SPIDR: variants seen among roughly 807,000 people sequenced by gnomAD.
SPIDR encodes scaffold protein involved in DNA repair, also known as DNA repair-scaffolding protein.
Under a neutral mutation model 104.6 loss-of-function variants are expected in SPIDR, and 93 were observed. That is an observed-to-expected ratio of 0.89 (90% CI 0.75 to 1.06). The LOEUF is 1.06. SPIDR is among the 50% of genes least tolerant of loss of function. The pLI, the probability that SPIDR is intolerant of heterozygous loss-of-function variation, is 0.00. For missense variants in SPIDR, 1,154 were observed against 1,111.2 expected (o/e 1.04, Z -0.55); for synonymous variants, 431 against 416.9 (o/e 1.03, Z -0.41).
At chr8:47,313,648 C>T (rs1399129375) in intron 5 of SPIDR, among the ~76,000 whole-genome samples, 2 of 152,156 alleles carry the variant, frequency 1.3e-5, no homozygotes, top group East Asian at 1.9e-4. Flanking sequence ...CATCACGCTA[C>T]CTGACTTCAA....
At chr8:47,464,657 A>AGTCCT (rs1165191166) in intron 8 of SPIDR, among the ~76,000 whole-genome samples, 14 of 151,540 alleles carry the variant, frequency 9.2e-5, no homozygotes, top group Non-Finnish European at 1.8e-4. Flanking sequence ...TGTCTTGTCT[A>AGTCCT]GTCCTGTCCT....
intron 16 of SPIDR, among the ~76,000 whole-genome samples, chr8:47,715,036 T>A (rs1432561799): frequency 6.6e-6 from 1 of 152,028 alleles, no homozygotes; most frequent in Non-Finnish European, 1.5e-5. Flanking sequence ...ACAATCTAAT[T>A]TTAGAACAAA....
chr8:47,575,758 G>A (rs2059031903), intron 8 of SPIDR, among the ~76,000 whole-genome samples: 1 of 151,514 alleles, frequency 6.6e-6, no homozygotes, highest in Non-Finnish European at 1.5e-5. Flanking sequence ...TCAGGAGTTC[G>A]AGACCAGCCT....
At chr8:47,479,173 A>T (rs1194335494) in intron 8 of SPIDR, among the ~76,000 whole-genome samples, 3 of 152,088 alleles carry the variant, frequency 2.0e-5, no homozygotes, top group African/African-American at 7.2e-5. Context: ...AGCCTGGCCA[A>T]CATGGTAAAA....
At chr8:47,511,988 T>G in intron 8 of SPIDR, 1 of 787,318 alleles carries the variant, frequency 1.3e-6, no homozygotes, top group South Asian at 1.4e-5. Flanking sequence ...GCCTGTGAAA[T>G]GGTTATGATG....
At chr8:47,417,839 T>C (rs1185130228) in intron 7 of SPIDR, among the ~76,000 whole-genome samples, 1 of 152,228 alleles carries the variant, frequency 6.6e-6, no homozygotes, top group African/African-American at 2.4e-5. Context: ...GCTTTCTACA[T>C]ATGGCTAGCC....
At chr8:47,685,454 A>G (rs975165340) in intron 11 of SPIDR, among the ~76,000 whole-genome samples, 1 of 150,762 alleles carries the variant, frequency 6.6e-6, no homozygotes, top group Non-Finnish European at 1.5e-5. Context: ...AATTATAATT[A>G]TCTACCAGTA....
intron 8 of SPIDR, 113 bp from the exon 9 acceptor site, chr8:47,595,698 G>C: frequency 5.1e-6 from 5 of 982,050 alleles, no homozygotes; most frequent in Non-Finnish European, 7.7e-6. Flanking sequence ...GGTGGGCTTG[G>C]CTTTAGCTGT....
chr8:47,269,561 T>C (rs2034841472), intron 1 of SPIDR, among the ~76,000 whole-genome samples: 1 of 148,858 alleles, frequency 6.7e-6, no homozygotes, highest in South Asian at 2.1e-4. Flanking sequence ...TGGCCAACCA[T>C]GTCTCTTAAA....
intron 11 of SPIDR, among the ~76,000 whole-genome samples, chr8:47,687,905 G>T (rs2078029036): frequency 6.6e-6 from 1 of 151,890 alleles, no homozygotes; most frequent in South Asian, 2.1e-4. Context: ...TCTACAAAAA[G>T]TAAAAAATTA....
intron 11 of SPIDR, among the ~76,000 whole-genome samples, chr8:47,685,008 C>T (rs1232700256): frequency 6.6e-6 from 1 of 152,188 alleles, no homozygotes. Context: ...CACCTGAGGT[C>T]AGAGGTTCGA....
chr8:47,399,873 G>A (rs571655586), intron 6 of SPIDR, among the ~76,000 whole-genome samples: 20 of 152,290 alleles, frequency 1.3e-4, no homozygotes, highest in Non-Finnish European at 2.2e-4. Context: ...ACAGAGTAAC[G>A]CTACTAGAGG....
chr8:47,448,556 G>A (rs559539406), intron 8 of SPIDR, among the ~76,000 whole-genome samples: 6 of 152,262 alleles, frequency 3.9e-5, no homozygotes, highest in South Asian at 2.1e-4. Flanking sequence ...CACTGTAGGC[G>A]TAGTAATAGA....
intron 11 of SPIDR, among the ~76,000 whole-genome samples, chr8:47,691,778 G>A (rs1450619463): frequency 8.5e-5 from 13 of 152,222 alleles, no homozygotes; most frequent in Admixed American, 8.5e-4. Flanking sequence ...TGGCTTAGCA[G>A]GACCGATGGG....
chr8:47,393,733 C>A (rs1394591793), intron 5 of SPIDR, among the ~76,000 whole-genome samples: 1 of 73,698 alleles, frequency 1.4e-5, no homozygotes, highest in Non-Finnish European at 2.7e-5. Context: ...CTTTCCTTTC[C>A]TTCCTTTCAT....
At chr8:47,262,998 A>G (rs2032912335) in intron 1 of SPIDR, among the ~76,000 whole-genome samples, 1 of 151,300 alleles carries the variant, frequency 6.6e-6, no homozygotes, top group African/African-American at 2.5e-5. Context: ...TTACTGCAGA[A>G]CTTATCCTGT....
At chr8:47,391,995 C>CAAAAAAAAAAAAAA (rs556134389) in intron 5 of SPIDR, among the ~76,000 whole-genome samples, 1 of 46,472 alleles carries the variant, frequency 2.2e-5, no homozygotes, top group Non-Finnish European at 5.0e-5. Flanking sequence ...GACTCCGTCT[C>CAAAAAAAAAAAAAA]AAAAAAAAAA....
At chr8:47,639,698 A>AGCAC (rs1201716611) in intron 10 of SPIDR, among the ~76,000 whole-genome samples, 1 of 152,218 alleles carries the variant, frequency 6.6e-6, no homozygotes, top group Admixed American at 6.5e-5. Flanking sequence ...CTGTTATCCC[A>AGCAC]GCACTCTGGG....
Position 47,735,634 on chromosome 8 carries a change from T to G in SPIDR, c.*184T>G. 8.4e-7 allele frequency: 1 copy of G among 1,184,554 alleles called. No individual in the cohort carries two copies. The allele number at this position is 1,184,554 out of a possible 1,614,324, so 73.4% of individuals were successfully genotyped here. On this transcript the variant is annotated 3_prime_UTR_variant, in exon 20 of 20. Transcript: ENST00000297423. The stretch of plus-strand genomic sequence containing the variant: ...TTTGTGAACTGTAAATCAAAATACC[T>G]TTTTCTACAGTTTATCTTTTATTTT...
Sources: allele counts gnomAD v4.1 joint callset (sites outside exome capture counted in the v4.1 genomes callset), GRCh38; gene constraint gnomAD v4.1.1; transcripts MANE v1.5; gene names NCBI Gene and HGNC (gene_info 2026-07-23, HGNC 2026-07-21).